The following RALYL variants were observed in gnomAD, a reference collection of about 807,000 sequenced individuals.
RALYL encodes the protein RNA-binding Raly-like protein.
RALYL carries 29 observed loss-of-function variants against 35.1 expected under a neutral mutation model. The observed-to-expected ratio is 0.83, with a 90% CI of 0.61 to 1.13. The LOEUF (loss-of-function observed/expected upper bound fraction) is 1.13. Among genes scored for constraint, RALYL ranks in the 50% most tolerant of loss-of-function variants. The pLI, the probability that RALYL is intolerant of heterozygous loss-of-function variation, is 0.00. For missense variants in RALYL, 359 were observed against 360.4 expected (o/e 1.00, Z 0.03); for synonymous variants, 120 against 127.6 (o/e 0.94, Z 0.40).
intron 2 of RALYL, among the ~76,000 whole-genome samples, chr8:84,653,980 G>A (rs974756907): frequency 6.6e-6 from 1 of 150,902 alleles, no homozygotes; most frequent in Non-Finnish European, 1.5e-5. Context: ...TGAAAGGTAA[G>A]CCCATTGAGA....
intron 3 of RALYL, among the ~76,000 whole-genome samples, chr8:84,778,931 G>C (rs1817475370): frequency 6.6e-6 from 1 of 151,934 alleles, no homozygotes; most frequent in Non-Finnish European, 1.5e-5. Context: ...TCGAGGAAAG[G>C]GAGCAAAAAG....
intron 4 of RALYL, among the ~76,000 whole-genome samples, chr8:84,844,882 G>A (rs531426701): frequency 6.6e-6 from 1 of 151,848 alleles, no homozygotes; most frequent in East Asian, 1.9e-4. Flanking sequence ...AAAACCAAAC[G>A]CCACATGTTC....
At position 84,525,953 on chromosome 8, in the gene RALYL, C is replaced by CTTTTTT. The variant is rs35794329; in HGVS notation, c.-23-3329_-23-3324dup. ...ACTTCTATTTTCTCTTTTCTTTTTT[C>CTTTTTT]TTTTTTTTTTTTTTTTTTTTTTGAG... On this transcript the variant is annotated intron_variant, in intron 1 of 8. Transcript: ENST00000521268. Among the ~76,000 whole-genome samples, 277 of 104,806 alleles carry CTTTTTT rather than the reference C, an allele frequency of 2.6e-3. 1 individual carries two copies. The highest frequency in any genetic ancestry group is 8.5e-3 in the African/African-American group (221 of 25,978). The allele number at this position is 104,806 out of a possible 152,430, so 68.8% of individuals were successfully genotyped here.
At chr8:84,647,398 G>GA (rs1564303177) in intron 2 of RALYL, among the ~76,000 whole-genome samples, 1 of 151,952 alleles carries the variant, frequency 6.6e-6, no homozygotes, top group African/African-American at 2.4e-5. Flanking sequence ...GAAGTAAGAG[G>GA]GTGATGTGTA....
intron 1 of RALYL, among the ~76,000 whole-genome samples, chr8:84,231,061 A>G (rs897724785): frequency 6.6e-6 from 1 of 152,238 alleles, no homozygotes; most frequent in Non-Finnish European, 1.5e-5. Context: ...AAGAGAAGAC[A>G]TTTAACTAAA....
chr8:84,217,999 T>G (rs1055729556), intron 1 of RALYL, among the ~76,000 whole-genome samples: 2 of 152,098 alleles, frequency 1.3e-5, no homozygotes, highest in African/African-American at 4.8e-5. Flanking sequence ...AGATTTTTTT[T>G]CTTAGCATTT....
At chr8:84,335,652 A>G (rs1847639995) in intron 1 of RALYL, among the ~76,000 whole-genome samples, 1 of 147,506 alleles carries the variant, frequency 6.8e-6, no homozygotes, top group Non-Finnish European at 1.5e-5. Context: ...ATACCATGCC[A>G]TCATTTTGAC....
At chr8:84,885,370 A>G (rs1198566218) in intron 7 of RALYL, among the ~76,000 whole-genome samples, 1 of 152,086 alleles carries the variant, frequency 6.6e-6, no homozygotes, top group East Asian at 1.9e-4. Context: ...ATTTAGAAAA[A>G]ATCTTGGTTA....
intron 2 of RALYL, among the ~76,000 whole-genome samples, chr8:84,749,385 AC>A (rs1809409806): frequency 6.6e-6 from 1 of 152,104 alleles, no homozygotes; most frequent in Admixed American, 6.6e-5. Context: ...TGCACCTATT[AC>A]ACTCCTTTTG....
rs149714649 is a variant in RALYL at position 84,885,501 on chromosome 8, T to C, written c.686-2103T>C. ...TTCCTTCCATCAGTACATCTGTATATGCATATCAAGATAAAAAGTATAGTT... is the reference window on the plus strand; with the variant it reads ...TTCCTTCCATCAGTACATCTGTATACGCATATCAAGATAAAAAGTATAGTT... On this transcript the variant is annotated intron_variant, in intron 7 of 8. Coordinates refer to ENST00000521268, the MANE Select transcript of RALYL (RefSeq NM_173848.7). Among the ~76,000 whole-genome samples the C allele has an allele frequency of 3.0e-3, 458 of 152,222 alleles. 3 individuals carry two copies. The highest frequency in any genetic ancestry group is 0.01 in the African/African-American group (435 of 41,560).
At chr8:84,787,914 A>G (rs1004962959) in intron 3 of RALYL, among the ~76,000 whole-genome samples, 3 of 152,146 alleles carry the variant, frequency 2.0e-5, no homozygotes, top group Non-Finnish European at 4.4e-5. Context: ...GATTCTGGAT[A>G]TTAGCCCATT....
rs551361143 is a variant in RALYL at position 84,701,670 on chromosome 8, C to A, written c.257-72909C>A. On this transcript the variant is annotated intron_variant, in intron 2 of 8. Transcript: ENST00000521268. ...CAGGAAGAGAGGGGGTGAGGTGACT[C>A]CAGTAAGACAGGGTACTCACCCCTG... 4.6e-5 allele frequency among the ~76,000 whole-genome samples: 7 copies of A among 152,202 alleles called. No homozygotes were observed. In the South Asian group the frequency reaches 1.4e-3, roughly 32 times the overall value.
intron 1 of RALYL, among the ~76,000 whole-genome samples, chr8:84,265,519 C>A (rs189442468): frequency 4.0e-3 from 608 of 152,182 alleles, no homozygotes; most frequent in Admixed American, 6.9e-3. Context: ...CAGTGCTACA[C>A]CCAGATGGAA....
chr8:84,763,717 A>G (rs915755283), intron 2 of RALYL, among the ~76,000 whole-genome samples: 2 of 152,238 alleles, frequency 1.3e-5, no homozygotes, highest in Non-Finnish European at 2.9e-5. Flanking sequence ...ATATTTTTTC[A>G]GAAAACTTAT....
At position 84,792,104 on chromosome 8, in the gene RALYL, T is replaced by C. The variant is rs190165273; in HGVS notation, c.333-12666T>C. Among the ~76,000 whole-genome samples the C allele has an allele frequency of 6.5e-3, 983 of 152,382 alleles. 6 individuals are homozygous for C. The highest frequency in any genetic ancestry group is 0.014 in the Admixed American group (220 of 15,310). Reference sequence around the variant, plus strand: ...CTCCCAAAGCCCAAGTGGACATGTGTTACAGTGCACTCCTTTAGCCTTGCC... The same window carrying C: ...CTCCCAAAGCCCAAGTGGACATGTGCTACAGTGCACTCCTTTAGCCTTGCC... On this transcript the variant is annotated intron_variant, in intron 3 of 8. Transcript: ENST00000521268.
At chr8:84,310,441 T>C (rs1311959637) in intron 1 of RALYL, among the ~76,000 whole-genome samples, 1 of 149,714 alleles carries the variant, frequency 6.7e-6, no homozygotes, top group Non-Finnish European at 1.5e-5. Flanking sequence ...TCTATGTATA[T>C]CAAATAAAAG....
chr8:84,750,305 G>A (rs550235371), intron 2 of RALYL, among the ~76,000 whole-genome samples: 16 of 152,190 alleles, frequency 1.1e-4, no homozygotes, highest in African/African-American at 3.1e-4. Flanking sequence ...AAAATACAGC[G>A]GTTTTTAACA....
chr8:84,556,717 G>A (rs913481779), intron 2 of RALYL, among the ~76,000 whole-genome samples: 1 of 152,100 alleles, frequency 6.6e-6, no homozygotes, highest in Admixed American at 6.6e-5. Flanking sequence ...CCACCTCTGA[G>A]TGGTGCTTTA....
intron 2 of RALYL, among the ~76,000 whole-genome samples, chr8:84,714,845 A>T (rs1233110073): frequency 6.6e-6 from 1 of 151,998 alleles, no homozygotes; most frequent in Non-Finnish European, 1.5e-5. Flanking sequence ...ACAAGTTGGC[A>T]TTAAAAGCAT....
Sources: gnomAD v4.1 joint callset for allele counts (sites outside exome capture counted in the v4.1 genomes callset) on GRCh38, gnomAD v4.1.1 for gene constraint, MANE v1.5 for transcripts, NCBI Gene and HGNC (gene_info 2026-07-23, HGNC 2026-07-21) for gene names.